SLC17A1: variants seen among roughly 807,000 people sequenced by gnomAD.
The protein encoded by SLC17A1 is sodium-dependent phosphate transport protein 1.
Under a neutral mutation model 53.5 loss-of-function variants are expected in SLC17A1, and 51 were observed. The ratio of observed to expected loss-of-function variants is 0.95; its 90% CI spans 0.76 to 1.20. SLC17A1 has a LOEUF of 1.20. Ranked by LOEUF, SLC17A1 falls within the 50% of genes most tolerant of loss-of-function variation. SLC17A1 has a pLI of 0.00. For synonymous variants in SLC17A1, 179 were observed against 198.8 expected, an observed-to-expected ratio of 0.90 and a Z score of 0.84; for missense variants, 538 against 568.2, an observed-to-expected ratio of 0.95 and a Z score of 0.54.
the SLC17A1 span, among the ~76,000 whole-genome samples, chr6:25,765,392 G>A: frequency 1.3e-5 from 2 of 152,230 alleles, no homozygotes; most frequent in African/African-American, 2.4e-5. Flanking sequence ...CTCAGGCACA[G>A]AGGGATGAAG....
the SLC17A1 span, among the ~76,000 whole-genome samples, chr6:25,725,612 T>C: frequency 6.6e-6 from 1 of 152,078 alleles, no homozygotes; most frequent in Non-Finnish European, 1.5e-5. Flanking sequence ...TAAATCTAGT[T>C]TGAGATAGTC....
At chr6:25,740,315 A>G in the SLC17A1 span, among the ~76,000 whole-genome samples, 1 of 152,224 alleles carries the variant, frequency 6.6e-6, no homozygotes, top group African/African-American at 2.4e-5. Flanking sequence ...CACATTCTCC[A>G]GACAATGGAA....
At chr6:25,826,129 T>C (rs1423001576) in intron 3 of SLC17A1, among the ~76,000 whole-genome samples, 8 of 152,142 alleles carry the variant, frequency 5.3e-5, no homozygotes, top group Non-Finnish European at 1.2e-4. Context: ...AGTCAAAAAC[T>C]TTAAAAATGT....
chr6:25,763,420 T>A, the SLC17A1 span, among the ~76,000 whole-genome samples: 32 of 152,218 alleles, frequency 2.1e-4, no homozygotes, highest in Non-Finnish European at 3.7e-4. Context: ...TGCTTAGGAA[T>A]AAACCTTGCA....
chr6:25,787,041 G>GAAAT (rs3034353), intron 12 of SLC17A1, among the ~76,000 whole-genome samples: 7,617 of 149,408 alleles, frequency 0.051, 291 homozygotes, highest in African/African-American at 0.1. Flanking sequence ...GCTTAACAAG[G>GAAAT]AAATAAATAA....
At chr6:25,765,436 A>G in the SLC17A1 span, among the ~76,000 whole-genome samples, 2 of 152,272 alleles carry the variant, frequency 1.3e-5, no homozygotes, top group South Asian at 4.1e-4. Context: ...ACAAAGAGGT[A>G]GCAGCTGGAT....
the SLC17A1 span, among the ~76,000 whole-genome samples, chr6:25,752,951 CAAAAAAACAA>C: frequency 1.5e-5 from 2 of 133,722 alleles, no homozygotes; most frequent in Non-Finnish European, 3.3e-5. Flanking sequence ...GACTCCGTCT[CAAAAAAACAA>C]AAAAAAACAA....
chr6:25,738,541 G>GA, the SLC17A1 span, among the ~76,000 whole-genome samples: 8 of 146,196 alleles, frequency 5.5e-5, no homozygotes, highest in Admixed American at 5.4e-4. Flanking sequence ...ATCCAGAAAA[G>GA]AAAAAAAAAG....
At chr6:25,797,849 C>T (rs1210379477) in intron 12 of SLC17A1, among the ~76,000 whole-genome samples, 1 of 152,096 alleles carries the variant, frequency 6.6e-6, no homozygotes, top group Non-Finnish European at 1.5e-5. Flanking sequence ...CCACCCGCCT[C>T]GTCCTCCCTA....
intron 6 of SLC17A1, among the ~76,000 whole-genome samples, chr6:25,814,809 C>T (rs1342455349): frequency 1.3e-5 from 2 of 152,050 alleles, no homozygotes; most frequent in Non-Finnish European, 2.9e-5. Flanking sequence ...CATGGTGAAG[C>T]CCCGTCTCTT....
the SLC17A1 span, among the ~76,000 whole-genome samples, chr6:25,740,696 A>T: frequency 6.6e-6 from 1 of 152,200 alleles, no homozygotes. Context: ...ATTCTAACAC[A>T]TTAAGAAAAT....
the SLC17A1 span, among the ~76,000 whole-genome samples, chr6:25,761,015 TA>T: frequency 6.6e-6 from 1 of 152,220 alleles, no homozygotes; most frequent in South Asian, 2.1e-4. Context: ...TTTGAGCTCA[TA>T]ATATATAGAG....
At chr6:25,795,370 G>A (rs1318082880) in intron 12 of SLC17A1, among the ~76,000 whole-genome samples, 1 of 152,102 alleles carries the variant, frequency 6.6e-6, no homozygotes, top group Non-Finnish European at 1.5e-5. Flanking sequence ...AAAGAATATA[G>A]CATGTAAATA....
the SLC17A1 span, among the ~76,000 whole-genome samples, chr6:25,743,610 C>A: frequency 1.3e-5 from 2 of 152,060 alleles, no homozygotes; most frequent in African/African-American, 4.8e-5. Flanking sequence ...ATATGAAATT[C>A]AATTAAGTAG....
the SLC17A1 span, chr6:25,777,609 A>AAC: frequency 2.8e-5 from 6 of 215,982 alleles, no homozygotes; most frequent in South Asian, 1.5e-4. Flanking sequence ...ACAACAACAA[A>AAC]AACCTTACAA....
intron 6 of SLC17A1, among the ~76,000 whole-genome samples, chr6:25,816,771 A>G (rs191140998): frequency 6.8e-4 from 103 of 152,348 alleles, no homozygotes; most frequent in African/African-American, 2.4e-3. Flanking sequence ...GGGAAAGGGA[A>G]TCATTTTAGA....
the SLC17A1 span, among the ~76,000 whole-genome samples, chr6:25,737,801 C>T: frequency 1.1e-4 from 17 of 152,192 alleles, no homozygotes; most frequent in South Asian, 1.0e-3. Flanking sequence ...ACGATTGTTA[C>T]GACAGAGAAA....
At chr6:25,831,589 CAT>C (rs1764952036) in intron 1 of SLC17A1, among the ~76,000 whole-genome samples, 1 of 152,090 alleles carries the variant, frequency 6.6e-6, no homozygotes, top group South Asian at 2.1e-4. Flanking sequence ...GCAAACCAAA[CAT>C]ATAAATACGT....
chr6:25,787,879 C>T (rs1379286950), intron 12 of SLC17A1, among the ~76,000 whole-genome samples: 1 of 152,152 alleles, frequency 6.6e-6, no homozygotes, highest in Non-Finnish European at 1.5e-5. Context: ...CACAAGAGTC[C>T]TTGGGGGAAA....
Sources: gnomAD v4.1 joint callset for allele counts (sites outside exome capture counted in the v4.1 genomes callset) on GRCh38, gnomAD v4.1.1 for gene constraint, MANE v1.5 for transcripts, NCBI Gene and HGNC (gene_info 2026-07-23, HGNC 2026-07-21) for gene names.